Variants in CLASP2 observed in about 807,000 individuals in gnomAD.
The protein encoded by CLASP2 is CLIP-associating protein 2.
A neutral mutation model predicts 194.4 loss-of-function variants in CLASP2; 47 were observed. The observed-to-expected ratio is 0.24, with a 90% CI of 0.19 to 0.31. CLASP2 has a LOEUF of 0.31. Ranked by LOEUF, CLASP2 falls within the 10% of genes least tolerant of loss-of-function variation. CLASP2 has a pLI of 1.00. For synonymous variants in CLASP2, 619 were observed against 633.5 expected, an observed-to-expected ratio of 0.98 and a Z score of 0.34; for missense variants, 1,445 against 1,823.6, an observed-to-expected ratio of 0.79 and a Z score of 3.78.
chr3:33,516,837 T>C lies in CLASP2; in HGVS notation c.3981+144A>G, dbSNP rs1485569645. 3.4e-5 allele frequency: 24 copies of C among 700,380 alleles called. No individual in the cohort carries two copies. The Admixed American group carries it at 7.2e-4, about 21-fold the overall frequency. 43.4% of individuals were successfully genotyped at this position (700,380 alleles called of 1,614,324 possible). A position where few individuals can be genotyped will look rare whatever the true frequency, so the allele number is the denominator to read the frequency against. ...GAGCTACTTGGTTTAGAAGAAAAAG[T>C]ACTTCACAGTGAAAAGTTCATGCAG... On this transcript the variant is annotated intron_variant, in intron 35 of 38. Transcript: ENST00000682230.
intron 24 of CLASP2, among the ~76,000 whole-genome samples, chr3:33,575,029 C>T (rs1303683433): frequency 6.6e-6 from 1 of 152,010 alleles, no homozygotes; most frequent in Admixed American, 6.6e-5. Context: ...TTTATGTAAG[C>T]AGAATTTAAC....
In CLASP2 at chr3:33,660,200, T is replaced by C. The variant is rs192474364; in HGVS notation, c.715+3245A>G. ...TCCTTGGTTTGTGCAGGAGACTGTC[T>C]AGAAAGCTCCATAACGACACCAGCG... On this transcript the variant is annotated intron_variant, in intron 7 of 38. Transcript: ENST00000682230. 3.7e-3 allele frequency among the ~76,000 whole-genome samples: 570 copies of C among 152,320 alleles called. 2 individuals carry two copies. Among genetic ancestry groups the C allele is most frequent in the African/African-American group, 0.013 (542 of 41,562 alleles).
At chr3:33,683,622 CA>C (rs1287343228) in intron 6 of CLASP2, 3 of 151,954 alleles carry the variant, frequency 2.0e-5, no homozygotes, top group Non-Finnish European at 4.4e-5. Flanking sequence ...ACAAACAAAA[CA>C]AAAAAAATTT....
chr3:33,573,194 T>C lies in CLASP2; in HGVS notation c.2615A>G (p.Asn872Ser), dbSNP rs982286211. The change falls in exon 25 of 39, where the codon AAT (asparagine) becomes AGT (serine). Residue 872 changes from asparagine to serine, a missense_variant. By Grantham distance (46) the Asn-to-Ser change is conservative (BLOSUM62 1). This residue lies in a region of CLASP2 where 732 missense variants were observed against 987.9 expected (regional missense o/e 0.74). Transcript: ENST00000682230. Reference protein sequence around the residue: ...RQTEDVAEVLNRCASSNWSER... With the variant: ...RQTEDVAEVLSRCASSNWSER... ...TGACCAATTGGAACTAGCACATCTA[T>C]TGAGGACTTCTGCCACATCTTCCGT... is the stretch of plus-strand genomic sequence containing the variant. 6.2e-7 allele frequency: 1 copy of C among 1,613,926 alleles called. No individual in the cohort carries two copies. The highest frequency in any genetic ancestry group is 8.5e-7 in the Non-Finnish European group (1 of 1,179,834).
intron 2 of CLASP2, among the ~76,000 whole-genome samples, chr3:33,692,552 C>G (rs555942848): frequency 1.8e-4 from 28 of 152,258 alleles, no homozygotes; most frequent in African/African-American, 6.5e-4. Context: ...AGACTGTATT[C>G]CTAACTCTAC....
chr3:33,549,316 G>A (rs989227002), intron 30 of CLASP2, among the ~76,000 whole-genome samples: 4 of 152,104 alleles, frequency 2.6e-5, no homozygotes, highest in African/African-American at 9.7e-5. Flanking sequence ...GTGGTGAATC[G>A]ATTACTGATT....
At chr3:33,572,268 T>C (rs2063926577) in intron 25 of CLASP2, among the ~76,000 whole-genome samples, 1 of 152,180 alleles carries the variant, frequency 6.6e-6, no homozygotes, top group African/African-American at 2.4e-5. Context: ...AACTTAATCT[T>C]GATGGGCTGG....
intron 7 of CLASP2, among the ~76,000 whole-genome samples, chr3:33,650,986 G>A (rs2083083473): frequency 1.3e-5 from 2 of 152,102 alleles, no homozygotes; most frequent in South Asian, 4.2e-4. Flanking sequence ...AACTCATTTG[G>A]TGGCATTAAA....
intron 34 of CLASP2, among the ~76,000 whole-genome samples, chr3:33,519,432 A>T (rs935356261): frequency 6.6e-6 from 1 of 152,192 alleles, no homozygotes; most frequent in Non-Finnish European, 1.5e-5. Context: ...TTTCTATAAA[A>T]GTTATAGAAA....
At chr3:33,574,646 CT>C in intron 24 of CLASP2, 1 of 477,914 alleles carries the variant, frequency 2.1e-6, no homozygotes, top group Non-Finnish European at 3.6e-6. Flanking sequence ...TATTAGCAGG[CT>C]GTGTCTTTAA....
chr3:33,517,750 C>T (rs965228193), intron 34 of CLASP2, among the ~76,000 whole-genome samples: 2 of 152,124 alleles, frequency 1.3e-5, no homozygotes, highest in South Asian at 2.1e-4. Flanking sequence ...CAGTCTCCAC[C>T]TCCCAGGCTC....
chr3:33,684,222 GCAA>G (rs1010095233), intron 6 of CLASP2, 134 bp downstream of exon 6: 4 of 448,448 alleles, frequency 8.9e-6, no homozygotes, highest in African/African-American at 2.1e-5. Flanking sequence ...TCCAGCCTGG[GCAA>G]CAAGAGCAAG....
At chr3:33,618,512 G>A (rs2076583856) in intron 12 of CLASP2, among the ~76,000 whole-genome samples, 1 of 147,576 alleles carries the variant, frequency 6.8e-6, no homozygotes, top group Middle Eastern at 3.3e-3. Flanking sequence ...GCCAGGCATG[G>A]TGGTGGGTGC....
chr3:33,627,672 G>A (rs914284673), intron 9 of CLASP2, among the ~76,000 whole-genome samples: 5 of 152,078 alleles, frequency 3.3e-5, no homozygotes, highest in African/African-American at 9.7e-5. Context: ...TTTGCCTTAT[G>A]GAGAGTACAA....
At chr3:33,604,995 A>G (rs959406359) in intron 16 of CLASP2, among the ~76,000 whole-genome samples, 3 of 152,208 alleles carry the variant, frequency 2.0e-5, no homozygotes, top group Admixed American at 6.5e-5. Flanking sequence ...CATTATTTTT[A>G]TAAGTGTCTC....
intron 7 of CLASP2, among the ~76,000 whole-genome samples, chr3:33,652,155 T>C (rs1291999668): frequency 6.6e-6 from 1 of 152,212 alleles, no homozygotes; most frequent in African/African-American, 2.4e-5. Flanking sequence ...CCCAACACTA[T>C]AAATTTTCAT....
chr3:33,585,255 T>C (rs2067095578), intron 21 of CLASP2, among the ~76,000 whole-genome samples: 1 of 152,198 alleles, frequency 6.6e-6, no homozygotes, highest in Non-Finnish European at 1.5e-5. Context: ...TATCTGACAA[T>C]CCATTTCATA....
At chr3:33,573,030 C>A (rs1271936671) in intron 25 of CLASP2, 80 bp downstream of exon 25, 2 of 1,507,902 alleles carry the variant, frequency 1.3e-6, no homozygotes, top group South Asian at 1.2e-5. Context: ...ACACCAGTAT[C>A]TCTAAAGTGT....
At chr3:33,646,275 T>C (rs375421017) in intron 7 of CLASP2, among the ~76,000 whole-genome samples, 14 of 151,896 alleles carry the variant, frequency 9.2e-5, no homozygotes, top group East Asian at 7.7e-4. Context: ...TTAAGACTTA[T>C]TTATTAAAAG....
Sources: allele counts gnomAD v4.1 joint callset (sites outside exome capture counted in the v4.1 genomes callset), GRCh38; gene constraint gnomAD v4.1.1; regional missense constraint gnomAD v4.1.1; transcripts MANE v1.5; gene names NCBI Gene and HGNC (gene_info 2026-07-23, HGNC 2026-07-21).